Variants in SEMA3C observed in about 807,000 individuals in gnomAD.
SEMA3C encodes semaphorin 3C.
Under a neutral mutation model 89.4 loss-of-function variants are expected in SEMA3C, and 47 were observed. That is an observed-to-expected ratio of 0.53 (90% confidence interval 0.42 to 0.67). The LOEUF (loss-of-function observed/expected upper bound fraction) is 0.67. SEMA3C is among the 30% of genes least tolerant of loss of function. The pLI, the probability that SEMA3C is intolerant of heterozygous loss-of-function variation, is 0.00. For synonymous variants in SEMA3C, 310 were observed against 320.2 expected, an observed-to-expected ratio of 0.97 and a Z score of 0.34; for missense variants, 839 against 929.1, an observed-to-expected ratio of 0.90 and a Z score of 1.26.
intron 2 of SEMA3C, among the ~76,000 whole-genome samples, chr7:80,872,792 T>G: frequency 8.1e-6 from 1 of 123,140 alleles, no homozygotes; most frequent in East Asian, 2.4e-4. Context: ...AGAGCGAGAC[T>G]CTGTCAAAAA....
chr7:80,793,592 A>G (rs1477413686), intron 11 of SEMA3C: 1 of 387,664 alleles, frequency 2.6e-6, no homozygotes, highest in Non-Finnish European at 5.0e-6. Context: ...ATTTTGGTTT[A>G]GGATCAATTT....
chr7:80,839,329 C>T (rs1464024275), intron 2 of SEMA3C, among the ~76,000 whole-genome samples: 1 of 152,116 alleles, frequency 6.6e-6, no homozygotes, highest in Non-Finnish European at 1.5e-5. Context: ...GCTTTCTAGA[C>T]CTCTTGGCAC....
At chr7:80,846,359 ATGTT>A (rs1387487511) in intron 2 of SEMA3C, among the ~76,000 whole-genome samples, 6 of 151,970 alleles carry the variant, frequency 3.9e-5, no homozygotes, top group Middle Eastern at 3.4e-3. Context: ...CGTTGTTTGT[ATGTT>A]TGTTTGTTTT....
chr7:80,833,107 T>G (rs1040792421), intron 2 of SEMA3C, among the ~76,000 whole-genome samples: 9 of 152,080 alleles, frequency 5.9e-5, no homozygotes, highest in African/African-American at 1.9e-4. Flanking sequence ...AAGCAAACAA[T>G]TGCAGTTCTC....
At chr7:80,814,184 G>A (rs906202411) in intron 5 of SEMA3C, among the ~76,000 whole-genome samples, 23 of 150,932 alleles carry the variant, frequency 1.5e-4, no homozygotes, top group Admixed American at 4.6e-4. Flanking sequence ...TCCGCCTCCC[G>A]GGTTCACGCC....
At chr7:80,877,321 T>A (rs913387351) in intron 2 of SEMA3C, among the ~76,000 whole-genome samples, 2 of 152,242 alleles carry the variant, frequency 1.3e-5, no homozygotes, top group Non-Finnish European at 2.9e-5. Flanking sequence ...CCTAATTTAT[T>A]ATCTATTCTG....
intron 15 of SEMA3C, 107 bp from the exon 16 acceptor site, chr7:80,751,443 T>A: frequency 1.0e-6 from 1 of 958,206 alleles, no homozygotes; most frequent in South Asian, 1.5e-5. Flanking sequence ...TTGCTAAGCT[T>A]TCATAAAATT....
At chr7:80,749,204 AC>A (rs1787868996) in intron 16 of SEMA3C, among the ~76,000 whole-genome samples, 176 bp from the exon 17 acceptor site, 3 of 152,056 alleles carry the variant, frequency 2.0e-5, no homozygotes, top group Non-Finnish European at 4.4e-5. Flanking sequence ...TACGTTGTTC[AC>A]CCGTTTTGTT....
chr7:80,762,771 C>T (rs1788214591), intron 13 of SEMA3C, among the ~76,000 whole-genome samples: 1 of 152,118 alleles, frequency 6.6e-6, no homozygotes, highest in Non-Finnish European at 1.5e-5. Context: ...CAAGACTGTG[C>T]CACGGCACTC....
chr7:80,832,330 A>G (rs1023762887), intron 2 of SEMA3C, among the ~76,000 whole-genome samples: 1 of 152,190 alleles, frequency 6.6e-6, no homozygotes, highest in Non-Finnish European at 1.5e-5. Context: ...TCATCTATAC[A>G]TTGGCAATAA....
chr7:80,773,197 T>G (rs1221327667), intron 12 of SEMA3C, among the ~76,000 whole-genome samples: 1 of 152,118 alleles, frequency 6.6e-6, no homozygotes, highest in East Asian at 1.9e-4. Context: ...ACCACTATAT[T>G]AAATTATTGA....
At chr7:80,812,241 C>T (rs1283332169) in intron 5 of SEMA3C, among the ~76,000 whole-genome samples, 1 of 152,126 alleles carries the variant, frequency 6.6e-6, no homozygotes, top group African/African-American at 2.4e-5. Flanking sequence ...AAAAGAATCA[C>T]AGTCCTCCAG....
intron 5 of SEMA3C, among the ~76,000 whole-genome samples, chr7:80,815,041 T>C (rs915438934): frequency 1.3e-5 from 2 of 152,236 alleles, no homozygotes; most frequent in Admixed American, 6.5e-5. Flanking sequence ...TCTGTTGACA[T>C]ATAAGTAGCC....
At chr7:80,808,578 T>C (rs931488119) in intron 6 of SEMA3C, among the ~76,000 whole-genome samples, 1 of 152,258 alleles carries the variant, frequency 6.6e-6, no homozygotes, top group African/African-American at 2.4e-5. Flanking sequence ...TTAATGTAAT[T>C]TCCAGATATG....
chr7:80,748,987 T>G lies in SEMA3C; in HGVS notation c.1753A>C (p.Asn585His), dbSNP rs1029116343. Residue 585 changes from asparagine (N) to histidine (H), a missense_variant, in exon 17 of 18, where the codon AAT (asparagine) becomes CAT (histidine). Coordinates refer to ENST00000265361, the MANE Select transcript of SEMA3C (RefSeq NM_006379.5). ...AAEIVQYGVKNNTTFLECAPK... is the reference protein window; with the variant it reads ...AAEIVQYGVKHNTTFLECAPK... Reference sequence around the variant, plus strand: ...GCACACTCCAGAAAAGTGGTGTTATTTTTTACTCCATACTGGACAATTTCA... The same window carrying G: ...GCACACTCCAGAAAAGTGGTGTTATGTTTTACTCCATACTGGACAATTTCA... The G allele has an allele frequency of 2.5e-6, 4 of 1,613,248 alleles. No homozygotes were observed. In the African/African-American group the frequency reaches 5.3e-5, roughly 22 times the overall value.
At position 80,792,044 on chromosome 7, in the gene SEMA3C, T is replaced by C. The variant is rs528728056; in HGVS notation, c.1132-2516A>G. Among the ~76,000 whole-genome samples the C allele has an allele frequency of 1.4e-3, 207 of 152,350 alleles. 1 individual carries two copies. Among genetic ancestry groups the C allele is most frequent in the African/African-American group, 4.4e-3 (181 of 41,574 alleles). ...ATTAAATGACTTAAAAGAGTAGCAG[T>C]AATGAGACAAGTAATAAAACGAAAC... On this transcript the variant is annotated intron_variant, in intron 11 of 17. Coordinates refer to ENST00000265361, the MANE Select transcript of SEMA3C (RefSeq NM_006379.5).
At chr7:80,857,125 ACCTTTG>A (rs1790661317) in intron 2 of SEMA3C, among the ~76,000 whole-genome samples, 1 of 152,082 alleles carries the variant, frequency 6.6e-6, no homozygotes, top group Non-Finnish European at 1.5e-5. Flanking sequence ...CATGACCTCC[ACCTTTG>A]CCTTTCATTA....
intron 11 of SEMA3C, among the ~76,000 whole-genome samples, chr7:80,791,805 T>C (rs922828746): frequency 6.6e-6 from 1 of 152,170 alleles, no homozygotes; most frequent in Non-Finnish European, 1.5e-5. Flanking sequence ...GCAACAGCTG[T>C]CCAACAGTAT....
At chr7:80,850,539 A>G (rs1490135294) in intron 2 of SEMA3C, among the ~76,000 whole-genome samples, 1 of 152,218 alleles carries the variant, frequency 6.6e-6, no homozygotes, top group Non-Finnish European at 1.5e-5. Context: ...CCATTTACAT[A>G]AAGTTCAAAA....
Sources: allele counts gnomAD v4.1 joint callset (sites outside exome capture counted in the v4.1 genomes callset), GRCh38; gene constraint gnomAD v4.1.1; transcripts MANE v1.5; gene names NCBI Gene and HGNC (gene_info 2026-07-23, HGNC 2026-07-21).